MSH4: variants seen among roughly 807,000 people sequenced by gnomAD.
MSH4 encodes mutS protein homolog 4.
Under a neutral mutation model 113.7 loss-of-function variants are expected in MSH4, and 106 were observed. The ratio of observed to expected loss-of-function variants is 0.93; its 90% CI spans 0.80 to 1.10. The LOEUF is 1.10. Among genes scored for constraint, MSH4 ranks in the 50% least tolerant of loss-of-function variants. The pLI, the probability that MSH4 is intolerant of heterozygous loss-of-function variation, is 0.00. For missense variants in MSH4, 1,061 were observed against 1,093.7 expected, an observed-to-expected ratio of 0.97 and a Z score of 0.42; for synonymous variants, 368 against 380.2, an observed-to-expected ratio of 0.97 and a Z score of 0.37.
intron 7 of MSH4, among the ~76,000 whole-genome samples, chr1:75,828,543 A>C (rs1429860843): frequency 6.6e-6 from 1 of 152,146 alleles, no homozygotes; most frequent in African/African-American, 2.4e-5. Flanking sequence ...ATTCTAAGTG[A>C]ATGAACGCAG....
chr1:75,833,516 C>T (rs13119126), intron 7 of MSH4, among the ~76,000 whole-genome samples: 12 of 152,242 alleles, frequency 7.9e-5, no homozygotes, highest in South Asian at 4.1e-4. Context: ...GGAGGCATCA[C>T]GCTACATGAC....
chr1:75,891,518 A>G (rs1200938836), intron 17 of MSH4, among the ~76,000 whole-genome samples: 1 of 152,074 alleles, frequency 6.6e-6, no homozygotes, highest in African/African-American at 2.4e-5. Context: ...CAGTGGCGCA[A>G]TCTTGGCTCA....
At chr1:75,864,824 A>G (rs1651528068) in intron 8 of MSH4, among the ~76,000 whole-genome samples, 1 of 152,104 alleles carries the variant, frequency 6.6e-6, no homozygotes, top group South Asian at 2.1e-4. Flanking sequence ...TTGGTATGCT[A>G]CCCACATTGC....
intron 19 of MSH4, among the ~76,000 whole-genome samples, chr1:75,909,448 T>C (rs1210161034): frequency 6.7e-6 from 1 of 150,260 alleles, no homozygotes; most frequent in Non-Finnish European, 1.5e-5. Flanking sequence ...TACTCTGCCA[T>C]TTTGTTGATA....
intron 6 of MSH4, among the ~76,000 whole-genome samples, chr1:75,821,135 A>T (rs1263255923): frequency 6.7e-6 from 1 of 149,752 alleles, no homozygotes; most frequent in East Asian, 2.0e-4. Context: ...CCTATTCCAA[A>T]ATTGACCACA....
chr1:75,912,901 G>T lies in MSH4; in HGVS notation c.*14G>T. ...ACTGAAGAATAATCACAATTCTAAT[G>T]TAATAATATATCTTAATTCAAGGAA... On this transcript the variant is annotated 3_prime_UTR_variant, in exon 20 of 20. Transcript: ENST00000263187. The T allele has an allele frequency of 7.0e-7, 1 of 1,433,050 alleles. No homozygotes were observed. Among genetic ancestry groups the T allele is most frequent in the Non-Finnish European group, 9.3e-7 (1 of 1,079,794 alleles). The allele number at this position is 1,433,050 out of a possible 1,614,324, so 88.8% of individuals were successfully genotyped here. A position where few individuals can be genotyped will look rare whatever the true frequency, so the allele number is the denominator to read the frequency against.
chr1:75,823,357 T>C (rs1392340438), intron 7 of MSH4, among the ~76,000 whole-genome samples: 1 of 152,192 alleles, frequency 6.6e-6, no homozygotes, highest in Non-Finnish European at 1.5e-5. Flanking sequence ...GGGGTCACAA[T>C]TCAACCCATA....
intron 9 of MSH4, among the ~76,000 whole-genome samples, chr1:75,873,254 C>A (rs1570980246): frequency 1.3e-5 from 2 of 152,264 alleles, no homozygotes; most frequent in South Asian, 4.1e-4. Context: ...TCCTTGACAT[C>A]TCTTCTGTTA....
intron 9 of MSH4, among the ~76,000 whole-genome samples, chr1:75,869,015 C>T (rs942390590): frequency 6.6e-6 from 1 of 152,128 alleles, no homozygotes; most frequent in African/African-American, 2.4e-5. Flanking sequence ...CAGGCAGAGG[C>T]TGGAACAGTT....
chr1:75,880,826 A>C (rs564947754), intron 13 of MSH4, among the ~76,000 whole-genome samples: 1 of 152,006 alleles, frequency 6.6e-6, no homozygotes, highest in Non-Finnish European at 1.5e-5. Context: ...GAAAGAAAAA[A>C]TGGATGAGAG....
chr1:75,889,411 C>T (rs749812411), intron 16 of MSH4, 42 bp downstream of exon 16: 3 of 844,934 alleles, frequency 3.6e-6, no homozygotes, highest in Non-Finnish European at 5.7e-6. Flanking sequence ...ACATTAAATT[C>T]TCTCACTAAT....
intron 8 of MSH4, among the ~76,000 whole-genome samples, chr1:75,864,675 AT>A (rs1404618283): frequency 6.6e-6 from 1 of 152,036 alleles, no homozygotes; most frequent in East Asian, 1.9e-4. Context: ...TCATTTTTCT[AT>A]TTGGTTTATC....
intron 18 of MSH4, among the ~76,000 whole-genome samples, chr1:75,899,112 C>CATA (rs1406753069): frequency 1.3e-5 from 2 of 152,092 alleles, no homozygotes; most frequent in East Asian, 3.9e-4. Flanking sequence ...TAAAATTAAG[C>CATA]TCTAAAAACA....
At chr1:75,861,840 T>G (rs1015799725) in intron 8 of MSH4, among the ~76,000 whole-genome samples, 2 of 152,216 alleles carry the variant, frequency 1.3e-5, no homozygotes, top group Non-Finnish European at 2.9e-5. Context: ...AGAAGCTGCC[T>G]GCTGCCTTTT....
At chr1:75,838,420 C>A (rs1167042232) in intron 7 of MSH4, among the ~76,000 whole-genome samples, 1 of 152,132 alleles carries the variant, frequency 6.6e-6, no homozygotes, top group Non-Finnish European at 1.5e-5. Context: ...CATCTCAAGA[C>A]CCTTAATTTA....
Position 75,886,476 on chromosome 1 carries a change from ATATATATGATGTAT to A in MSH4, c.2107+2677_2107+2690del, listed in dbSNP as rs1355307072. Among the ~76,000 whole-genome samples the A allele has an allele frequency of 4.8e-4, 60 of 124,818 alleles. 2 individuals are homozygous for A. The highest frequency in any genetic ancestry group is 7.8e-4 in the Non-Finnish European group (50 of 64,298). 81.9% of individuals were successfully genotyped at this position (124,818 alleles called of 152,430 possible). A position where few individuals can be genotyped will look rare whatever the true frequency, so the allele number is the denominator to read the frequency against. Reference sequence around the variant, plus strand: ...TATGATGTATTATATATTATATATAATATATATGATGTATTATATATGATGTATTATATATAATA... The same window carrying A: ...TATGATGTATTATATATTATATATAATATATATGATGTATTATATATAATA... On this transcript the variant is annotated intron_variant, in intron 15 of 19. Coordinates refer to ENST00000263187, the MANE Select transcript of MSH4 (RefSeq NM_002440.4).
rs1392453945 is a variant in MSH4, at chr1:75,912,696, C to T, written c.2620C>T (p.Gln874Ter). The part of the protein sequence containing the change: ...ITTQITRQIL[Q>*]NQRSTPEMER... ...TATATTTTTTTTTTTTCAATGACAG[C>T]AAAACCAAAGGAGTACCCCTGAGAT... Residue 874 changes from glutamine to a stop codon, truncating the protein, a stop_gained and splice_region_variant, in exon 20 of 20, where the codon CAA (glutamine) becomes TAA (stop). Coordinates refer to ENST00000263187, the MANE Select transcript of MSH4 (RefSeq NM_002440.4). LOFTEE classifies it high-confidence loss of function. 1 of 1,481,274 alleles carries T rather than the reference C, an allele frequency of 6.8e-7. No individual in the cohort carries two copies. Among genetic ancestry groups the T allele is most frequent in the Non-Finnish European group, 8.9e-7 (1 of 1,124,478 alleles). The allele number at this position is 1,481,274 out of a possible 1,614,324, so 91.8% of individuals were successfully genotyped here.
At chr1:75,875,781 A>G (rs1047955775) in intron 9 of MSH4, among the ~76,000 whole-genome samples, 4 of 152,002 alleles carry the variant, frequency 2.6e-5, no homozygotes, top group African/African-American at 4.8e-5. Context: ...TTTTTTCACT[A>G]TATTAATGGT....
chr1:75,862,558 G>C (rs976325724), intron 8 of MSH4, among the ~76,000 whole-genome samples: 1 of 152,186 alleles, frequency 6.6e-6, no homozygotes, highest in Non-Finnish European at 1.5e-5. Flanking sequence ...ATCAGATTTA[G>C]TAACCTTTAG....
Sources: gnomAD v4.1 joint callset for allele counts (sites outside exome capture counted in the v4.1 genomes callset) on GRCh38, gnomAD v4.1.1 for gene constraint, MANE v1.5 for transcripts, NCBI Gene and HGNC (gene_info 2026-07-23, HGNC 2026-07-21) for gene names.